CRB1: variants seen among roughly 807,000 people sequenced by gnomAD.
CRB1 encodes protein crumbs homolog 1.
A neutral mutation model predicts 120.0 loss-of-function variants in CRB1; 83 were observed. That is an observed-to-expected ratio of 0.69 (90% confidence interval 0.58 to 0.83). The LOEUF is 0.83. CRB1 is among the 40% of genes least tolerant of loss of function. The pLI is 0.00. For missense variants in CRB1, 1,699 were observed against 1,687.6 expected, an observed-to-expected ratio of 1.01 and a Z score of -0.12; for synonymous variants, 625 against 612.5, an observed-to-expected ratio of 1.02 and a Z score of -0.30.
the CRB1 span, among the ~76,000 whole-genome samples, chr1:197,231,844 A>T: frequency 6.6e-6 from 1 of 152,176 alleles, no homozygotes; most frequent in Non-Finnish European, 1.5e-5. Flanking sequence ...TGATGATAGC[A>T]GACGCTATTT....
At chr1:197,279,685 A>T (rs912060639) in intron 1 of CRB1, among the ~76,000 whole-genome samples, 4 of 151,708 alleles carry the variant, frequency 2.6e-5, no homozygotes, top group African/African-American at 9.7e-5. Flanking sequence ...ACTAAGGCAA[A>T]GTTTGCATAA....
At chr1:197,354,269 C>G (rs1157260825) in intron 4 of CRB1, among the ~76,000 whole-genome samples, 1 of 152,144 alleles carries the variant, frequency 6.6e-6, no homozygotes, top group Admixed American at 6.5e-5. Context: ...ACTTATGACC[C>G]ACAAATTCCA....
In CRB1 at chr1:197,296,538, T is replaced by C. The variant is rs930514944; in HGVS notation, c.70+28056T>C. ...GTTGTATCTCCAGGTAAGAAGAGAG[T>C]GATAGACTTCAGAACTAAAGTGAAG... On this transcript the variant is annotated intron_variant, in intron 1 of 11. Transcript: ENST00000367400. Among the ~76,000 whole-genome samples, 3 of 151,988 alleles carry C rather than the reference T, an allele frequency of 2.0e-5. No individual in the cohort carries two copies. The South Asian group carries it at 6.2e-4, about 32-fold the overall frequency.
intron 1 of CRB1, among the ~76,000 whole-genome samples, chr1:197,323,371 C>T (rs986008394): frequency 6.6e-6 from 1 of 152,078 alleles, no homozygotes; most frequent in Non-Finnish European, 1.5e-5. Context: ...GTTCGTTGAT[C>T]GATTCTGCAA....
In CRB1 at chr1:197,477,930, C is replaced by A. The variant is rs769207195; in HGVS notation, c.*51C>A. The A allele has an allele frequency of 1.3e-6, 2 of 1,549,758 alleles. No homozygotes were observed. The highest frequency in any genetic ancestry group is 1.1e-5 in the South Asian group (1 of 89,624). ...GATCCACACACTGTGAATGTGATGA[C>A]TGTACTTCAGGTATCTCTGACATAC... On this transcript the variant is annotated 3_prime_UTR_variant, in exon 12 of 12. Transcript: ENST00000367400.
At chr1:197,374,059 A>G (rs1200987392) in intron 5 of CRB1, among the ~76,000 whole-genome samples, 3 of 152,136 alleles carry the variant, frequency 2.0e-5, no homozygotes, top group Non-Finnish European at 4.4e-5. Flanking sequence ...AATCAGGCCA[A>G]TTTTTGGCAG....
Position 197,391,239 on chromosome 1 carries a change from T to C in CRB1, c.1172-29761T>C, listed in dbSNP as rs148843471. Reference sequence around the variant, plus strand: ...GGAGTGAAAATAAATTTGTTTTTAGTGTGATATCCTCAGGACAGAAACCTT... The same window carrying C: ...GGAGTGAAAATAAATTTGTTTTTAGCGTGATATCCTCAGGACAGAAACCTT... On this transcript the variant is annotated intron_variant, in intron 5 of 11. Coordinates refer to ENST00000367400, the MANE Select transcript of CRB1 (RefSeq NM_201253.3). Among the ~76,000 whole-genome samples the C allele has an allele frequency of 3.9e-5, 6 of 152,258 alleles. No homozygotes were observed. In the East Asian group the frequency reaches 1.2e-3, roughly 29 times the overall value.
At chr1:197,351,549 C>G (rs868175600) in intron 4 of CRB1, among the ~76,000 whole-genome samples, 1 of 152,062 alleles carries the variant, frequency 6.6e-6, no homozygotes, top group African/African-American at 2.4e-5. Context: ...CTGCCAACTA[C>G]GGGGCAGAGA....
chr1:197,231,106 G>A, the CRB1 span, among the ~76,000 whole-genome samples: 1 of 151,926 alleles, frequency 6.6e-6, no homozygotes, highest in Non-Finnish European at 1.5e-5. Context: ...ATTTGGAGTT[G>A]GTTCTTGTAT....
chr1:197,203,351 G>A, the CRB1 span, among the ~76,000 whole-genome samples: 3 of 151,552 alleles, frequency 2.0e-5, no homozygotes, highest in Admixed American at 6.6e-5. Flanking sequence ...AGACAGTCTC[G>A]CTCTGTCACC....
chr1:197,381,364 T>C (rs1661948159), intron 5 of CRB1, among the ~76,000 whole-genome samples: 1 of 152,246 alleles, frequency 6.6e-6, no homozygotes, highest in African/African-American at 2.4e-5. Flanking sequence ...ACTTACTTCG[T>C]ATCTCATAGG....
chr1:197,442,673 A>T (rs1665512441), intron 11 of CRB1: 1 of 618,728 alleles, frequency 1.6e-6, no homozygotes, highest in South Asian at 2.7e-5. Flanking sequence ...TTTAGTACAA[A>T]CATATTATCA....
the CRB1 span, among the ~76,000 whole-genome samples, chr1:197,214,516 T>C: frequency 6.6e-6 from 1 of 152,170 alleles, no homozygotes; most frequent in South Asian, 2.1e-4. Flanking sequence ...ACCAAACCCC[T>C]GTGGATCCTG....
intron 11 of CRB1, among the ~76,000 whole-genome samples, chr1:197,451,717 C>T (rs1440764266): frequency 1.3e-5 from 2 of 152,104 alleles, no homozygotes; most frequent in Non-Finnish European, 2.9e-5. Context: ...GAAACAGAAT[C>T]GAGGCATATA....
chr1:197,289,129 C>G (rs1324027255), intron 1 of CRB1, among the ~76,000 whole-genome samples: 2 of 151,510 alleles, frequency 1.3e-5, no homozygotes, highest in African/African-American at 4.8e-5. Context: ...ACCAAAAAAA[C>G]AAAAGCAAAA....
At chr1:197,253,332 G>A in the CRB1 span, among the ~76,000 whole-genome samples, 1 of 152,018 alleles carries the variant, frequency 6.6e-6, no homozygotes, top group South Asian at 2.1e-4. Context: ...ATTTAAAATG[G>A]CACGTATTTT....
intron 4 of CRB1, among the ~76,000 whole-genome samples, chr1:197,355,062 G>A (rs1255561449): frequency 2.0e-5 from 3 of 151,656 alleles, no homozygotes. Flanking sequence ...GATACAGAGT[G>A]CCTATTGTTG....
chr1:197,334,095 T>C (rs956318601), intron 2 of CRB1, among the ~76,000 whole-genome samples: 1 of 152,190 alleles, frequency 6.6e-6, no homozygotes, highest in African/African-American at 2.4e-5. Context: ...CTGTTTTCAG[T>C]TCAACAGATC....
the CRB1 span, among the ~76,000 whole-genome samples, chr1:197,212,149 T>C: frequency 6.6e-6 from 1 of 152,144 alleles, no homozygotes; most frequent in African/African-American, 2.4e-5. Context: ...AGGACATAGA[T>C]AAACTGAAAA....
Sources: allele counts gnomAD v4.1 joint callset (sites outside exome capture counted in the v4.1 genomes callset), GRCh38; gene constraint gnomAD v4.1.1; transcripts MANE v1.5; gene names NCBI Gene and HGNC (gene_info 2026-07-23, HGNC 2026-07-21).